The following ARHGEF37 variants were observed in gnomAD, a reference collection of about 807,000 sequenced individuals.
ARHGEF37 encodes the protein Rho guanine nucleotide exchange factor (GEF) 37.
In ARHGEF37, 55 loss-of-function variants were observed where a neutral mutation model predicts 71.1. That is an observed-to-expected ratio of 0.77 (90% CI 0.62 to 0.97). The LOEUF (loss-of-function observed/expected upper bound fraction) is 0.97. Ranked by LOEUF, ARHGEF37 falls within the 50% of genes least tolerant of loss-of-function variation. ARHGEF37 has a pLI of 0.00. For missense variants in ARHGEF37, 765 were observed against 836.8 expected (o/e 0.91, Z 1.06); for synonymous variants, 327 against 350.6 (o/e 0.93, Z 0.75).
At chr5:149,622,164 G>A in intron 9 of ARHGEF37, 102 bp downstream of exon 9, 1 of 1,227,446 alleles carries the variant, frequency 8.1e-7, no homozygotes, top group Non-Finnish European at 1.1e-6. Flanking sequence ...GGGAGGATGG[G>A]CCTGAAAACA....
At chr5:149,580,218 G>A (rs75185680), upstream of ARHGEF37, among the ~76,000 whole-genome samples, 2,439 of 152,102 alleles carry the variant, frequency 0.016, 121 homozygotes, top group East Asian at 0.19. Context: ...GCACCACCAC[G>A]CCCAGCTAAT....
At chr5:149,614,382 G>A (rs974782330) in intron 4 of ARHGEF37, among the ~76,000 whole-genome samples, 4 of 151,830 alleles carry the variant, frequency 2.6e-5, no homozygotes, top group Non-Finnish European at 5.9e-5. Flanking sequence ...CACTCACCCA[G>A]CTCTGTGTAT....
chr5:149,612,762 G>A lies in ARHGEF37; in HGVS notation c.458+3067G>A, dbSNP rs1016492962. Among the ~76,000 whole-genome samples the A allele has an allele frequency of 1.7e-4, 26 of 152,352 alleles. 1 individual carries two copies. The highest frequency in any genetic ancestry group is 5.5e-4 in the African/African-American group (23 of 41,580). Reference sequence around the variant, plus strand: ...TGTCCCTGCCCGTTAAATGCCTGCGGCATTACTTTCCAGAGCCTGGCCAAT... The same window carrying A: ...TGTCCCTGCCCGTTAAATGCCTGCGACATTACTTTCCAGAGCCTGGCCAAT... On this transcript the variant is annotated intron_variant, in intron 4 of 12. Transcript: ENST00000333677.
At chr5:149,579,768 G>A (rs1763070857), upstream of ARHGEF37, among the ~76,000 whole-genome samples, 2 of 151,820 alleles carry the variant, frequency 1.3e-5, no homozygotes, top group African/African-American at 4.8e-5. Flanking sequence ...TTTTAGTAGA[G>A]ACGGGGTTTC....
In ARHGEF37 at chr5:149,634,476, A is replaced by C. The variant is rs556264542; in HGVS notation, c.*2285A>C. On this transcript the variant is annotated 3_prime_UTR_variant, in exon 13 of 13. Transcript: ENST00000333677. ...GGGAGGAAAATAAAATATACTTGGAACCAAGTCTATGTCATGAAGGGAAAA... is the reference window on the plus strand; with the variant it reads ...GGGAGGAAAATAAAATATACTTGGACCCAAGTCTATGTCATGAAGGGAAAA... The C allele has an allele frequency of 6.5e-6, 1 of 152,744 alleles. No individual in the cohort carries two copies. Among genetic ancestry groups the C allele is most frequent in the South Asian group, 2.1e-4 (1 of 4,814 alleles). The allele number at this position is 152,744 out of a possible 1,614,324, so 9.5% of individuals were successfully genotyped here.
intron 10 of ARHGEF37, among the ~76,000 whole-genome samples, chr5:149,625,951 G>A: frequency 6.6e-6 from 1 of 152,202 alleles, no homozygotes; most frequent in East Asian, 1.9e-4. Flanking sequence ...CCTTGAGAAA[G>A]AAGGCCAGCA....
intron 1 of ARHGEF37, among the ~76,000 whole-genome samples, chr5:149,596,576 A>G (rs1278592608): frequency 6.6e-6 from 1 of 152,192 alleles, no homozygotes; most frequent in Non-Finnish European, 1.5e-5. Flanking sequence ...AAGTGCTGGG[A>G]TTACAGGCGT....
At chr5:149,628,687 C>A in intron 11 of ARHGEF37, 122 bp from the exon 12 acceptor site, 1 of 1,324,924 alleles carries the variant, frequency 7.5e-7, no homozygotes, top group Non-Finnish European at 1.0e-6. Context: ...CCTAGATGAC[C>A]TTTTGGTTCT....
upstream of ARHGEF37, among the ~76,000 whole-genome samples, chr5:149,579,573 GTTA>G (rs147820026): frequency 2.6e-5 from 4 of 151,484 alleles, no homozygotes; most frequent in African/African-American, 7.3e-5. Context: ...GGCAACTGAT[GTTA>G]TTATTATTAT....
chr5:149,617,347 T>C (rs1241913686), intron 5 of ARHGEF37, among the ~76,000 whole-genome samples: 1 of 152,096 alleles, frequency 6.6e-6, no homozygotes, highest in Non-Finnish European at 1.5e-5. Flanking sequence ...AAATCAATAG[T>C]GGGGAGGTAA....
Position 149,595,562 on chromosome 5 carries a change from C to G in ARHGEF37, c.-11-2197C>G, listed in dbSNP as rs112755666. Among the ~76,000 whole-genome samples the G allele has an allele frequency of 2.1e-3, 319 of 152,188 alleles. 2 individuals carry two copies. The highest frequency in any genetic ancestry group is 6.8e-3 in the Middle Eastern group (2 of 294). On this transcript the variant is annotated intron_variant, in intron 1 of 12. Coordinates refer to ENST00000333677, the MANE Select transcript of ARHGEF37 (RefSeq NM_001001669.3). ...CCTCTTTCCCTGTTTCTGTTTTGGCCTGTATCTGACTGGTTGGTTATCTGA... is the reference window on the plus strand; with the variant it reads ...CCTCTTTCCCTGTTTCTGTTTTGGCGTGTATCTGACTGGTTGGTTATCTGA...
At chr5:149,616,214 G>A (rs1327270876) in intron 4 of ARHGEF37, among the ~76,000 whole-genome samples, 3 of 152,194 alleles carry the variant, frequency 2.0e-5, no homozygotes, top group African/African-American at 7.2e-5. Context: ...AGAGCTGCTT[G>A]CAGAGTATGA....
chr5:149,565,727 G>A (rs1344214555), intron 1 of ARHGEF37, among the ~76,000 whole-genome samples: 1 of 150,460 alleles, frequency 6.6e-6, no homozygotes, highest in African/African-American at 2.4e-5. Context: ...CCTAGATCTA[G>A]ACTATACTAC....
chr5:149,598,328 T>TTCTTC (rs1763624791), intron 2 of ARHGEF37, among the ~76,000 whole-genome samples: 22 of 95,864 alleles, frequency 2.3e-4, no homozygotes, highest in African/African-American at 7.8e-4. Context: ...TCTTCTTCTT[T>TTCTTC]CTTCCTCTTC....
intron 1 of ARHGEF37, among the ~76,000 whole-genome samples, chr5:149,597,457 T>C (rs949448109): frequency 6.6e-6 from 1 of 151,762 alleles, no homozygotes; most frequent in Non-Finnish European, 1.5e-5. Context: ...CGGGGTTTCA[T>C]CATGTTGGCC....
rs753663967 is a variant in ARHGEF37, at chr5:149,601,185, T to C, written c.264T>C (p.Asp88=). 6.2e-7 allele frequency: 1 copy of C among 1,613,420 alleles called. No individual in the cohort carries two copies. Among genetic ancestry groups the C allele is most frequent in the South Asian group, 1.1e-5 (1 of 90,980 alleles). Reference sequence around the variant, plus strand: ...AAGTGAACAGCAGATTCCTCCATGATCTGCAGGAGACAGCCTCCAAGGAAG... The same window carrying C: ...AAGTGAACAGCAGATTCCTCCATGACCTGCAGGAGACAGCCTCCAAGGAAG... ...IIKVNSRFLH[D]LQETASKEEE... is the part of the protein sequence containing the mutation. The change falls in exon 3 of 13, where the codon GAT becomes GAC. Residue 88 remains aspartate, a synonymous_variant. Coordinates refer to ENST00000333677, the MANE Select transcript of ARHGEF37 (RefSeq NM_001001669.3).
rs780625394 is a variant in ARHGEF37 at position 149,629,990 on chromosome 5, C to T, written c.1818+1024C>T. Among the ~76,000 whole-genome samples, 47 of 135,858 alleles carry T rather than the reference C, an allele frequency of 3.5e-4. 1 individual carries two copies. Among genetic ancestry groups the T allele is most frequent in the Non-Finnish European group, 4.3e-4 (28 of 65,660 alleles). The allele number at this position is 135,858 out of a possible 152,430, so 89.1% of individuals were successfully genotyped here. A position where few individuals can be genotyped will look rare whatever the true frequency, so the allele number is the denominator to read the frequency against. On this transcript the variant is annotated intron_variant, in intron 12 of 12. Transcript: ENST00000333677. ...TGTGGATGTCCAGAATGGGCAAATC[C>T]GTAGAGATAGAAGGTGGATGAATGG...
intron 1 of ARHGEF37, among the ~76,000 whole-genome samples, chr5:149,560,711 A>G (rs7700256): frequency 5.8e-4 from 88 of 152,164 alleles, no homozygotes; most frequent in African/African-American, 2.1e-3. Context: ...ACTTGAGCTT[A>G]GGAGTTTGAG....
At chr5:149,587,174 GTCTC>G (rs1487123571) in intron 1 of ARHGEF37, among the ~76,000 whole-genome samples, 10 of 152,202 alleles carry the variant, frequency 6.6e-5, no homozygotes, top group South Asian at 4.1e-4. Context: ...CATCATTTCA[GTCTC>G]TCTCTCAGTC....
Sources: allele counts gnomAD v4.1 joint callset (sites outside exome capture counted in the v4.1 genomes callset), GRCh38; gene constraint gnomAD v4.1.1; transcripts MANE v1.5; gene names NCBI Gene and HGNC (gene_info 2026-07-23, HGNC 2026-07-21).